Variants in MBTPS2 observed in about 807,000 individuals in gnomAD.
MBTPS2 encodes the protein membrane-bound transcription factor site-2 protease.
MBTPS2 carries 2 observed loss-of-function variants against 35.4 expected under a neutral mutation model. That is an observed-to-expected ratio of 0.06 (90% CI 0.02 to 0.18). The LOEUF (loss-of-function observed/expected upper bound fraction) is 0.18, where lower values mean the gene tolerates loss of function less well. Ranked by LOEUF, MBTPS2 falls within the 10% of genes least tolerant of loss-of-function variation. The pLI is 1.00. For synonymous variants in MBTPS2, 125 were observed against 140.4 expected (o/e 0.89, Z 0.77); for missense variants, 244 against 386.5 (o/e 0.63, Z 3.09).
intron 3 of MBTPS2, among the ~76,000 whole-genome samples, chrX:21,847,797 G>T (rs1049924742): frequency 5.4e-5 from 6 of 112,000 alleles, no homozygotes; most frequent in African/African-American, 1.9e-4. Context: ...ATACTGGAAA[G>T]ATGTCTGACA....
At chrX:21,879,916 C>T (rs2092957145) in intron 9 of MBTPS2, among the ~76,000 whole-genome samples, 1 of 98,318 alleles carries the variant, frequency 1.0e-5, no homozygotes, top group African/African-American at 4.0e-5. Flanking sequence ...TTTATTCATT[C>T]ATAGTTAATG....
intron 5 of MBTPS2, chrX:21,856,219 G>A: frequency 2.8e-6 from 1 of 357,650 alleles, no homozygotes; most frequent in Non-Finnish European, 4.8e-6. Flanking sequence ...AGTTGCCTAG[G>A]CGCATGCGTC....
rs780704255 is a variant in MBTPS2, at chrX:21,868,329, A to G, written c.671-138A>G. On this transcript the variant is annotated intron_variant, in intron 5 of 10. Transcript: ENST00000379484. ...AATTGAACATCTGTCTGCTCTACTAATAAGTAGATATTTTTGCCTCATTGC... is the reference window on the plus strand; with the variant it reads ...AATTGAACATCTGTCTGCTCTACTAGTAAGTAGATATTTTTGCCTCATTGC... The G allele has an allele frequency of 7.2e-6, 4 of 553,396 alleles. No homozygotes were observed. The East Asian group carries it at 9.9e-5, about 14-fold the overall frequency. 45.6% of individuals were successfully genotyped at this position (553,396 alleles called of 1,213,427 possible).
intron 6 of MBTPS2, among the ~76,000 whole-genome samples, chrX:21,869,282 AT>A (rs906566150): frequency 1.8e-5 from 2 of 112,351 alleles, no homozygotes; most frequent in African/African-American, 3.2e-5. Flanking sequence ...CTTTTTTTCA[AT>A]TGTGAAAAAT....
intron 7 of MBTPS2, chrX:21,871,604 G>C: frequency 9.0e-6 from 1 of 111,603 alleles, no homozygotes; most frequent in Non-Finnish European, 1.9e-5. Flanking sequence ...TCTGATATCT[G>C]GTTGGTATTC....
Position 21,869,531 on chromosome X carries a change from G to T in MBTPS2, c.823G>T (p.Val275Leu). 1 of 1,210,871 alleles carries T rather than the reference G, an allele frequency of 8.3e-7. No individual in the cohort carries two copies. The highest frequency in any genetic ancestry group is 1.1e-6 in the Non-Finnish European group (1 of 894,726). Residue 275 changes from valine to leucine, a missense_variant, in exon 7 of 11, where the codon GTG becomes TTG. By Grantham distance (32) the Val-to-Leu change is conservative. Coordinates refer to ENST00000379484, the MANE Select transcript of MBTPS2 (RefSeq NM_015884.4). ...SPAIGPRGLF[V>L]GDLVTHLQDC... ...TGCCATTGGACCCAGAGGCCTTTTT[G>T]TGGGAGACCTTGTCACCCATCTACA... is the stretch of plus-strand genomic sequence containing the variant.
chrX:21,884,419 T>C lies in MBTPS2; in HGVS notation c.*1764T>C, dbSNP rs745838336. 105 of 707,161 alleles carry C rather than the reference T, an allele frequency of 1.5e-4. 1 individual carries two copies. Among genetic ancestry groups the C allele is most frequent in the Non-Finnish European group, 1.6e-4 (96 of 597,250 alleles). The allele number at this position is 707,161 out of a possible 1,213,427, so 58.3% of individuals were successfully genotyped here. A position where few individuals can be genotyped will look rare whatever the true frequency, so the allele number is the denominator to read the frequency against. On this transcript the variant is annotated 3_prime_UTR_variant, in exon 11 of 11. Transcript: ENST00000379484. ...CAATTTTACTAATGAAAAGGTTGTA[T>C]ATGTGCAAGTCACTTTTTTAAAAAC...
chrX:21,875,762 T>A (rs941853369), intron 7 of MBTPS2, among the ~76,000 whole-genome samples: 11 of 111,932 alleles, frequency 9.8e-5, no homozygotes, highest in African/African-American at 3.3e-4. Flanking sequence ...AAGTTTAAAT[T>A]TAAGTAATGA....
In MBTPS2 at chrX:21,883,724, C is replaced by CCT. The variant is rs1250406745; in HGVS notation, c.*1074_*1075dup. On this transcript the variant is annotated 3_prime_UTR_variant, in exon 11 of 11. Coordinates refer to ENST00000379484, the MANE Select transcript of MBTPS2 (RefSeq NM_015884.4). Reference sequence around the variant, plus strand: ...TGTTTTCTGTCTCTCTCCTAAGCTACCTCTCTGGGTCCACAGAAGACTTGG... The same window carrying CCT: ...TGTTTTCTGTCTCTCTCCTAAGCTACCTCTCTCTGGGTCCACAGAAGACTTGG... 1 of 751,546 alleles carries CCT rather than the reference C, an allele frequency of 1.3e-6. No individual in the cohort carries two copies. The highest frequency in any genetic ancestry group is 8.9e-5 in the Admixed American group (1 of 11,178). 61.9% of individuals were successfully genotyped at this position (751,546 alleles called of 1,213,427 possible).
At chrX:21,862,945 T>C (rs868854925) in intron 5 of MBTPS2, among the ~76,000 whole-genome samples, 20 of 47,928 alleles carry the variant, frequency 4.2e-4, no homozygotes, top group African/African-American at 1.6e-3. Context: ...TATATATATA[T>C]ATATATATAT....
Position 21,883,283 on chromosome X carries a change from T to G in MBTPS2, c.*628T>G. ...ACAAAACAGGAAGTAGGGCCTATGA[T>G]ATCGTGAGACATGTTTTGCCCCACA... On this transcript the variant is annotated 3_prime_UTR_variant, in exon 11 of 11. Transcript: ENST00000379484. The G allele has an allele frequency of 1.3e-6, 1 of 756,831 alleles. No homozygotes were observed. The highest frequency in any genetic ancestry group is 1.6e-6 in the Non-Finnish European group (1 of 640,815). The allele number at this position is 756,831 out of a possible 1,213,427, so 62.4% of individuals were successfully genotyped here.
intron 10 of MBTPS2, among the ~76,000 whole-genome samples, chrX:21,882,060 C>T (rs1215249419): frequency 8.9e-6 from 1 of 112,146 alleles, no homozygotes; most frequent in African/African-American, 3.2e-5. Context: ...TCTTTGTTTC[C>T]TAATATAAAG....
At chrX:21,860,162 C>G (rs1465842555) in intron 5 of MBTPS2, among the ~76,000 whole-genome samples, 1 of 111,227 alleles carries the variant, frequency 9.0e-6, no homozygotes, top group Non-Finnish European at 1.9e-5. Flanking sequence ...AATCCCAGCA[C>G]TGTGAGAGGC....
chrX:21,864,603 C>T (rs1445259348), intron 5 of MBTPS2, among the ~76,000 whole-genome samples: 1 of 111,093 alleles, frequency 9.0e-6, no homozygotes, highest in African/African-American at 3.3e-5. Context: ...GGGCAGGTTA[C>T]TTGAGCTCAG....
intron 3 of MBTPS2, among the ~76,000 whole-genome samples, chrX:21,849,158 G>A (rs5951641): frequency 0.16 from 17,768 of 111,020 alleles, 1,165 homozygotes; most frequent in East Asian, 0.33. Context: ...CACTCTTGGT[G>A]TTGTAGGAAA....
At chrX:21,874,597 C>T (rs914068447) in intron 7 of MBTPS2, among the ~76,000 whole-genome samples, 2 of 111,743 alleles carry the variant, frequency 1.8e-5, no homozygotes, top group Non-Finnish European at 3.8e-5. Context: ...GTAGACTGGA[C>T]TATTTCTGTG....
chrX:21,862,703 C>G (rs2147442709), intron 5 of MBTPS2, among the ~76,000 whole-genome samples: 1 of 103,033 alleles, frequency 9.7e-6, no homozygotes, highest in East Asian at 3.2e-4. Flanking sequence ...CCCAGCTACT[C>G]TGGAGGCTGA....
At chrX:21,872,830 A>G (rs2092948757) in intron 7 of MBTPS2, 1 of 108,046 alleles carries the variant, frequency 9.3e-6, no homozygotes, top group African/African-American at 3.4e-5. Flanking sequence ...ATACTAGATT[A>G]ATTTTGATGG....
At chrX:21,844,910 G>A (rs2092906919) in intron 2 of MBTPS2, among the ~76,000 whole-genome samples, 1 of 112,334 alleles carries the variant, frequency 8.9e-6, no homozygotes, top group Admixed American at 9.4e-5. Context: ...AAATGAGCAA[G>A]TGCATGAGAG....
Sources: gnomAD v4.1 joint callset for allele counts (sites outside exome capture counted in the v4.1 genomes callset) on GRCh38, gnomAD v4.1.1 for gene constraint, MANE v1.5 for transcripts, NCBI Gene and HGNC (gene_info 2026-07-23, HGNC 2026-07-21) for gene names.